The following LRRC18 variants were observed in gnomAD, a reference collection of about 807,000 sequenced individuals.
The protein encoded by LRRC18 is leucine rich repeat containing 18.
LRRC18 carries 12 observed loss-of-function variants against 11.2 expected under a neutral mutation model. The observed-to-expected ratio is 1.07, with a 90% confidence interval of 0.69 to 1.74. LRRC18 has a LOEUF of 1.74. Ranked by LOEUF, LRRC18 falls within the 40% of genes most tolerant of loss-of-function variation. The pLI is 0.00. For synonymous variants in LRRC18, 155 were observed against 130.6 expected, an observed-to-expected ratio of 1.19 and a Z score of -1.27; for missense variants, 374 against 330.5, an observed-to-expected ratio of 1.13 and a Z score of -1.02.
chr10:48,930,992 T>C, the LRRC18 span, among the ~76,000 whole-genome samples: 19 of 152,072 alleles, frequency 1.2e-4, no homozygotes, highest in Admixed American at 7.2e-4. Flanking sequence ...TTACTTTCCT[T>C]CTTATATGTC....
chr10:48,914,214 G>T (rs1281000673), exon 1 of LRRC18: 1 of 1,531,000 alleles, frequency 6.5e-7, no homozygotes, highest in African/African-American at 1.4e-5. Flanking sequence ...TGATCAGTGT[G>T]AGGAAAAATC....
chr10:48,930,405 A>G, the LRRC18 span, among the ~76,000 whole-genome samples: 140 of 152,342 alleles, frequency 9.2e-4, 3 homozygotes, highest in East Asian at 0.02. Context: ...GACACAGATG[A>G]TGGCACGACG....
the LRRC18 span, among the ~76,000 whole-genome samples, chr10:48,924,657 G>C: frequency 5.9e-5 from 9 of 152,284 alleles, 1 homozygote; most frequent in South Asian, 1.9e-3. Context: ...GGCCCAGTTG[G>C]TTTGACTTTA....
chr10:48,928,214 G>T, the LRRC18 span, among the ~76,000 whole-genome samples: 1 of 152,176 alleles, frequency 6.6e-6, no homozygotes. Context: ...CCAGCCCCCT[G>T]TTTACCTTCC....
the LRRC18 span, among the ~76,000 whole-genome samples, chr10:48,934,711 G>A: frequency 6.6e-6 from 1 of 152,188 alleles, no homozygotes; most frequent in Non-Finnish European, 1.5e-5. Flanking sequence ...TGTTCTGCTG[G>A]GCTGGACCCT....
chr10:48,910,328 G>A (rs1367586334), intron 1 of LRRC18, 70 bp from the exon 4 acceptor site: 1 of 1,361,896 alleles, frequency 7.3e-7, no homozygotes, highest in Non-Finnish European at 1.1e-6. Context: ...CAAGGGCAGA[G>A]GTCACACCAG....
the LRRC18 span, among the ~76,000 whole-genome samples, chr10:48,933,186 G>C: frequency 6.6e-6 from 1 of 152,142 alleles, no homozygotes; most frequent in Admixed American, 6.5e-5. Flanking sequence ...TTGTATATGT[G>C]GACCAGGCAA....
chr10:48,931,022 C>T, the LRRC18 span, among the ~76,000 whole-genome samples: 1 of 151,970 alleles, frequency 6.6e-6, no homozygotes, highest in African/African-American at 2.4e-5. Flanking sequence ...TTTAAATTCC[C>T]TGCAACAGAT....
the LRRC18 span, among the ~76,000 whole-genome samples, chr10:48,933,227 T>C: frequency 6.6e-6 from 1 of 152,124 alleles, no homozygotes; most frequent in Admixed American, 6.5e-5. Flanking sequence ...CTGGAACTGC[T>C]AGAGGGGCCT....
the LRRC18 span, among the ~76,000 whole-genome samples, chr10:48,939,834 A>G: frequency 3.9e-5 from 6 of 152,224 alleles, no homozygotes. Context: ...CTGATAGCCA[A>G]TGAAATGAGG....
the LRRC18 span, among the ~76,000 whole-genome samples, chr10:48,928,580 C>A: frequency 6.6e-6 from 1 of 152,138 alleles, no homozygotes; most frequent in South Asian, 2.1e-4. Context: ...TCCTGGGGGC[C>A]AAGAGGACAC....
upstream of LRRC18, among the ~76,000 whole-genome samples, chr10:48,916,855 G>T (rs1178915719): frequency 6.8e-6 from 1 of 148,128 alleles, no homozygotes; most frequent in East Asian, 2.0e-4. Context: ...AAAGTAAAAA[G>T]TCCTGCTTTA....
the LRRC18 span, among the ~76,000 whole-genome samples, chr10:48,929,204 G>A: frequency 6.6e-6 from 1 of 152,022 alleles, no homozygotes; most frequent in African/African-American, 2.4e-5. Flanking sequence ...CAGAGAGGAG[G>A]GGATGGACAA....
At chr10:48,911,580 T>C (rs970940341) in intron 1 of LRRC18, among the ~76,000 whole-genome samples, 4 of 152,232 alleles carry the variant, frequency 2.6e-5, no homozygotes, top group Admixed American at 1.3e-4. Flanking sequence ...CTTGCAGATG[T>C]TTTAAAGTGT....
chr10:48,937,145 C>T, the LRRC18 span, among the ~76,000 whole-genome samples: 3 of 152,108 alleles, frequency 2.0e-5, no homozygotes, highest in Admixed American at 6.5e-5. Context: ...CCGCCCACCT[C>T]GGCCTCCCAG....
chr10:48,911,000 T>G (rs1303667720), intron 1 of LRRC18: 2 of 695,414 alleles, frequency 2.9e-6, no homozygotes, highest in African/African-American at 3.9e-5. Context: ...GAAATTGAAA[T>G]GGAAAGTCAT....
chr10:48,934,357 T>C, the LRRC18 span, among the ~76,000 whole-genome samples: 1 of 152,182 alleles, frequency 6.6e-6, no homozygotes, highest in Non-Finnish European at 1.5e-5. Flanking sequence ...TTTACAGACA[T>C]TACAATTGAG....
At chr10:48,921,256 G>A in the LRRC18 span, among the ~76,000 whole-genome samples, 25 of 152,222 alleles carry the variant, frequency 1.6e-4, no homozygotes, top group Non-Finnish European at 2.9e-4. Context: ...TATTGGTGAT[G>A]GGACAGGTAG....
the LRRC18 span, among the ~76,000 whole-genome samples, chr10:48,924,480 G>C: frequency 6.6e-6 from 1 of 152,226 alleles, no homozygotes; most frequent in East Asian, 1.9e-4. Flanking sequence ...AAGTAGATAA[G>C]CAGATAGATG....
Sources: allele counts gnomAD v4.1 joint callset (sites outside exome capture counted in the v4.1 genomes callset), GRCh38; gene constraint gnomAD v4.1.1; transcripts MANE v1.5; gene names NCBI Gene and HGNC (gene_info 2026-07-23, HGNC 2026-07-21).